BACH2: variants seen among roughly 807,000 people sequenced by gnomAD.
BACH2 encodes the protein BACH transcriptional regulator 2.
BACH2 carries 5 observed loss-of-function variants against 61.8 expected under a neutral mutation model. The ratio of observed to expected loss-of-function variants is 0.08; its 90% CI spans 0.04 to 0.17. The LOEUF is 0.17. BACH2 is among the 10% of genes least tolerant of loss of function. The pLI, the probability that BACH2 is intolerant of heterozygous loss-of-function variation, is 1.00. For missense variants in BACH2, 824 were observed against 1,091.1 expected (o/e 0.76, Z 3.45); for synonymous variants, 446 against 440.1 (o/e 1.01, Z -0.17).
chr6:90,008,392 T>C lies in BACH2; in HGVS notation c.243+210A>G. The C allele has an allele frequency of 1.6e-6, 1 of 643,258 alleles. No individual in the cohort carries two copies. The highest frequency in any genetic ancestry group is 2.6e-6 in the Non-Finnish European group (1 of 380,068). The allele number at this position is 643,258 out of a possible 1,614,324, so 39.8% of individuals were successfully genotyped here. ...TGACTGAGCCACAGGTGAGGTTCAG[T>C]TCCCTTCAAGAAAGATATTCACATT... is the stretch of plus-strand genomic sequence containing the variant. On this transcript the variant is annotated intron_variant, in intron 6 of 8. Transcript: ENST00000257749. The surrounding 1 kb of genome is among the most constrained non-coding windows in gnomAD (Gnocchi z 4.1).
intron 5 of BACH2, among the ~76,000 whole-genome samples, chr6:90,021,868 G>A (rs1778395891): frequency 6.6e-6 from 1 of 152,176 alleles, no homozygotes; most frequent in African/African-American, 2.4e-5. Flanking sequence ...CTGACATGGA[G>A]CAGCTAAAAC....
At chr6:89,934,048 G>A (rs1488299068) in intron 8 of BACH2, among the ~76,000 whole-genome samples, 4 of 152,100 alleles carry the variant, frequency 2.6e-5, no homozygotes, top group East Asian at 1.9e-4. Flanking sequence ...ATTTCCTGTC[G>A]TTGCCTAACA....
At chr6:90,131,181 C>G (rs1784066761) in intron 4 of BACH2, among the ~76,000 whole-genome samples, 2 of 152,036 alleles carry the variant, frequency 1.3e-5, no homozygotes, top group Non-Finnish European at 2.9e-5. Context: ...TGAAGTTTGA[C>G]CCTAAAAAAC....
rs1771536431 is a variant in BACH2, at chr6:90,271,898, T to C, written c.-402A>G. The C allele has an allele frequency of 6.6e-6, 1 of 152,318 alleles. No homozygotes were observed. Among genetic ancestry groups the C allele is most frequent in the Non-Finnish European group, 1.5e-5 (1 of 68,040 alleles). The allele number at this position is 152,318 out of a possible 1,614,324, so 9.4% of individuals were successfully genotyped here. A position where few individuals can be genotyped will look rare whatever the true frequency, so the allele number is the denominator to read the frequency against. ...GCTTGGTCCCAAATGATGTCTTCAG[T>C]AGGTGGCGAAATGTTAAAACTGGGA... On this transcript the variant is annotated 5_prime_UTR_variant, in exon 2 of 9. Coordinates refer to ENST00000257749, the MANE Select transcript of BACH2 (RefSeq NM_021813.4).
At chr6:90,193,357 G>C (rs921507724) in intron 4 of BACH2, among the ~76,000 whole-genome samples, 5 of 152,218 alleles carry the variant, frequency 3.3e-5, no homozygotes, top group African/African-American at 1.2e-4. Flanking sequence ...GGAAAATTTG[G>C]ATACACACAG....
At chr6:89,963,870 G>T (rs1015563835) in intron 6 of BACH2, among the ~76,000 whole-genome samples, 1 of 152,210 alleles carries the variant, frequency 6.6e-6, no homozygotes, top group African/African-American at 2.4e-5. Context: ...TGGACTCTCA[G>T]CCTTAAAAGG....
chr6:90,220,370 G>A (rs1582501491), intron 3 of BACH2, among the ~76,000 whole-genome samples: 1 of 152,106 alleles, frequency 6.6e-6, no homozygotes, highest in African/African-American at 2.4e-5. Flanking sequence ...AATAAGGGCT[G>A]GTTTCTAACA....
intron 1 of BACH2, among the ~76,000 whole-genome samples, chr6:90,278,982 T>C (rs1771776162): frequency 6.6e-6 from 1 of 152,206 alleles, no homozygotes; most frequent in South Asian, 2.1e-4. Flanking sequence ...CAACATGTAA[T>C]CAACATAATA....
At chr6:90,117,090 G>A (rs1046809119) in intron 4 of BACH2, 7 of 281,666 alleles carry the variant, frequency 2.5e-5, no homozygotes, top group South Asian at 5.6e-5. Context: ...GGTGTTTCTC[G>A]TCTCTCTGGC....
At chr6:90,179,203 T>C (rs1379593601) in intron 4 of BACH2, among the ~76,000 whole-genome samples, 2 of 152,136 alleles carry the variant, frequency 1.3e-5, no homozygotes, top group African/African-American at 4.8e-5. Context: ...CTCTAGTGTG[T>C]ATTTCTATAA....
intron 4 of BACH2, among the ~76,000 whole-genome samples, chr6:90,188,760 GAAAAA>G (rs57618295): frequency 8.9e-5 from 7 of 78,750 alleles, no homozygotes; most frequent in African/African-American, 3.2e-4. Flanking sequence ...GCCCCAAAAT[GAAAAA>G]AAAAAAAAAA....
chr6:89,986,597 T>C (rs527293867), intron 6 of BACH2, among the ~76,000 whole-genome samples: 2 of 152,320 alleles, frequency 1.3e-5, no homozygotes, highest in Admixed American at 1.3e-4. Context: ...TAAATTTGAA[T>C]GTTTAGGTGG....
At chr6:90,126,274 G>C (rs1783846476) in intron 4 of BACH2, among the ~76,000 whole-genome samples, 1 of 152,206 alleles carries the variant, frequency 6.6e-6, no homozygotes, top group South Asian at 2.1e-4. Flanking sequence ...GCTAGAATGG[G>C]AACAATAGAT....
chr6:90,295,871 G>A (rs1310764497), intron 1 of BACH2, among the ~76,000 whole-genome samples: 1 of 152,142 alleles, frequency 6.6e-6, no homozygotes, highest in Admixed American at 6.5e-5. Flanking sequence ...CCTAAACTTG[G>A]GCTTTGATTC....
chr6:90,032,872 A>C (rs968083108), intron 5 of BACH2, among the ~76,000 whole-genome samples: 4 of 152,186 alleles, frequency 2.6e-5, no homozygotes, highest in African/African-American at 9.7e-5. Context: ...TACCCGAAGG[A>C]TTATAAATCA....
At chr6:90,027,923 A>G (rs558356167) in intron 5 of BACH2, among the ~76,000 whole-genome samples, 101 of 152,290 alleles carry the variant, frequency 6.6e-4, no homozygotes, top group African/African-American at 2.4e-3. Context: ...TATGCTGAAA[A>G]TTTCTTATAT....
chr6:90,064,764 T>G (rs1008855531), intron 5 of BACH2, among the ~76,000 whole-genome samples: 28 of 152,220 alleles, frequency 1.8e-4, no homozygotes, highest in African/African-American at 6.8e-4. Flanking sequence ...ATAGAAAGGA[T>G]GCACTGAATT....
chr6:90,139,111 A>G (rs1328896395), intron 4 of BACH2, among the ~76,000 whole-genome samples: 1 of 152,152 alleles, frequency 6.6e-6, no homozygotes, highest in African/African-American at 2.4e-5. Context: ...CTAAAAAAAA[A>G]GGCATCAAAG....
In BACH2 at chr6:89,932,680, C is replaced by T; in HGVS notation, c.2254G>A (p.Glu752Lys). 1 of 1,614,182 alleles carries T rather than the reference C, an allele frequency of 6.2e-7. No homozygotes were observed. The highest frequency in any genetic ancestry group is 1.1e-5 in the South Asian group (1 of 91,088). The change falls in exon 9 of 9, where the codon GAG (glutamate) becomes AAG (lysine). Residue 752 changes from glutamate to lysine, a missense_variant. This residue lies in a region of BACH2 where 135 missense variants were observed against 142.7 expected (regional missense o/e 0.95). Coordinates refer to ENST00000257749, the MANE Select transcript of BACH2 (RefSeq NM_021813.4). ...SSINPAPLGAEQNIAASQCAV... is the reference protein window; with the variant it reads ...SSINPAPLGAKQNIAASQCAV... Reference sequence around the variant, plus strand: ...CATTGGGAGGCCGCAATGTTCTGCTCAGCACCCAAGGGCGCAGGGTTAATA... The same window carrying T: ...CATTGGGAGGCCGCAATGTTCTGCTTAGCACCCAAGGGCGCAGGGTTAATA...
Sources: gnomAD v4.1 joint callset for allele counts (sites outside exome capture counted in the v4.1 genomes callset) on GRCh38, gnomAD v4.1.1 for gene constraint, gnomAD v4.1.1 regional missense constraint, Gnocchi (gnomAD v3.1) non-coding constraint, MANE v1.5 for transcripts, NCBI Gene and HGNC (gene_info 2026-07-23, HGNC 2026-07-21) for gene names.